Variants in SPTLC1 observed in about 807,000 individuals in gnomAD.
SPTLC1 encodes the protein serine palmitoyltransferase 1.
SPTLC1 carries 55 observed loss-of-function variants against 68.9 expected under a neutral mutation model. The ratio of observed to expected loss-of-function variants is 0.80; its 90% CI spans 0.64 to 1.00. SPTLC1 has a LOEUF of 1.00. SPTLC1 is among the 50% of genes least tolerant of loss of function. The pLI is 0.00. For missense variants in SPTLC1, 449 were observed against 573.1 expected (o/e 0.78, Z 2.21); for synonymous variants, 197 against 201.6 (o/e 0.98, Z 0.19).
Position 92,080,944 on chromosome 9 carries a change from C to T in SPTLC1, c.280G>A (p.Val94Met), listed in dbSNP as rs1258741778. 2.5e-6 allele frequency: 4 copies of T among 1,614,112 alleles called. No homozygotes were observed. In the South Asian group the frequency reaches 4.4e-5, roughly 18 times the overall value. Residue 94 changes from valine to methionine, a missense_variant, in exon 4 of 15, where the codon GTG (valine) becomes ATG (methionine). Physicochemically the swap from Val to Met is conservative, Grantham distance 21. This residue lies in a region of SPTLC1 where 391 missense variants were observed against 472.1 expected (regional missense o/e 0.83). Transcript: ENST00000262554. ...IVSGPPSHKT[V>M]VNGKECINFA... The stretch of plus-strand genomic sequence containing the variant: ...TTTATACATTCTTTTCCATTCACCA[C>T]AGTTTTGTGGCTTGGAGGGCTAGGG...
intron 6 of SPTLC1, among the ~76,000 whole-genome samples, chr9:92,067,003 A>T (rs938746650): frequency 1.3e-5 from 2 of 151,898 alleles, no homozygotes; most frequent in African/African-American, 4.8e-5. Context: ...ATTAAAAAAT[A>T]AAAATAAAAA....
At chr9:92,056,019 G>A (rs567020405) in intron 7 of SPTLC1, among the ~76,000 whole-genome samples, 63 of 152,312 alleles carry the variant, frequency 4.1e-4, no homozygotes, top group African/African-American at 1.4e-3. Context: ...TGGGAGAAGG[G>A]TACAGGGGGC....
chr9:92,050,438 G>A (rs966335291), intron 8 of SPTLC1: 4 of 284,224 alleles, frequency 1.4e-5, no homozygotes, highest in Non-Finnish European at 2.7e-5. Context: ...ATTTAGAGTC[G>A]CCCCCAAGTG....
intron 3 of SPTLC1, among the ~76,000 whole-genome samples, chr9:92,088,506 C>T (rs1432674454): frequency 1.3e-5 from 2 of 152,184 alleles, no homozygotes; most frequent in African/African-American, 4.8e-5. Context: ...TTCCTAAGTC[C>T]TCCCTGATTT....
chr9:92,039,772 T>C (rs1001962839), intron 12 of SPTLC1, among the ~76,000 whole-genome samples: 4 of 152,218 alleles, frequency 2.6e-5, no homozygotes, highest in Admixed American at 6.5e-5. Context: ...GTTACAATAA[T>C]GTGAATTCTG....
At chr9:92,088,933 G>A (rs548302478) in intron 3 of SPTLC1, among the ~76,000 whole-genome samples, 2 of 152,222 alleles carry the variant, frequency 1.3e-5, no homozygotes, top group East Asian at 1.9e-4. Context: ...CTCCACAATC[G>A]AGACCTGAGA....
At chr9:92,071,084 C>G (rs1208764421) in intron 5 of SPTLC1, among the ~76,000 whole-genome samples, 1 of 150,938 alleles carries the variant, frequency 6.6e-6, no homozygotes, top group Admixed American at 6.6e-5. Flanking sequence ...ACATACTGTC[C>G]TTAAAAAAAA....
At chr9:92,074,625 T>C (rs779878849) in intron 5 of SPTLC1, among the ~76,000 whole-genome samples, 10 of 152,036 alleles carry the variant, frequency 6.6e-5, no homozygotes, top group Non-Finnish European at 1.2e-4. Flanking sequence ...CAACAGACTT[T>C]AAGGGGCCTA....
intron 3 of SPTLC1, among the ~76,000 whole-genome samples, chr9:92,096,234 C>T (rs749103741): frequency 2.6e-5 from 4 of 152,084 alleles, no homozygotes; most frequent in African/African-American, 4.8e-5. Flanking sequence ...CTCAAATAAA[C>T]GAACAGGTCC....
At chr9:92,078,274 TCAA>T (rs1277948785) in intron 5 of SPTLC1, among the ~76,000 whole-genome samples, 3 of 152,138 alleles carry the variant, frequency 2.0e-5, no homozygotes, top group Admixed American at 6.5e-5. Flanking sequence ...CAGATTACAA[TCAA>T]CAACCCCATA....
intron 5 of SPTLC1, among the ~76,000 whole-genome samples, chr9:92,077,224 CT>C (rs992625805): frequency 6.6e-5 from 10 of 152,004 alleles, no homozygotes; most frequent in Non-Finnish European, 1.2e-4. Context: ...GGGTCCCAAC[CT>C]TATTTCAGAC....
intron 5 of SPTLC1, among the ~76,000 whole-genome samples, chr9:92,073,830 G>A (rs966145027): frequency 2.6e-5 from 4 of 152,116 alleles, no homozygotes; most frequent in Admixed American, 6.5e-5. Flanking sequence ...CAGCAGCACC[G>A]CCTACCTGCA....
intron 11 of SPTLC1, chr9:92,046,462 C>T (rs1222692244): frequency 5.1e-6 from 1 of 196,150 alleles, no homozygotes; most frequent in Non-Finnish European, 1.1e-5. Flanking sequence ...CAAGGAAAAT[C>T]CCAAAACTAA....
At chr9:92,096,129 C>T (rs973201597) in intron 3 of SPTLC1, among the ~76,000 whole-genome samples, 5 of 152,192 alleles carry the variant, frequency 3.3e-5, no homozygotes, top group Non-Finnish European at 7.3e-5. Flanking sequence ...TGGAAAGCAG[C>T]TTTTTACCTG....
At chr9:92,033,380 G>T (rs1162775915) in intron 14 of SPTLC1, among the ~76,000 whole-genome samples, 1 of 152,200 alleles carries the variant, frequency 6.6e-6, no homozygotes, top group African/African-American at 2.4e-5. Context: ...TAGCTTGAAA[G>T]GACAATGCTA....
Position 92,032,002 on chromosome 9 carries a change from A to G in SPTLC1, c.*463T>C, listed in dbSNP as rs1271124818. The G allele has an allele frequency of 5.7e-6, 2 of 349,492 alleles. No individual in the cohort carries two copies. Among genetic ancestry groups the G allele is most frequent in the African/African-American group, 4.2e-5 (2 of 47,742 alleles). The allele number at this position is 349,492 out of a possible 1,614,324, so 21.6% of individuals were successfully genotyped here. A position where few individuals can be genotyped will look rare whatever the true frequency, so the allele number is the denominator to read the frequency against. The stretch of plus-strand genomic sequence containing the variant: ...CGTGGTTTATTTAGATCTTCAATAT[A>G]AATTTGTACCACATATGTTGAAGTG... On this transcript the variant is annotated 3_prime_UTR_variant, in exon 15 of 15. Transcript: ENST00000262554.
chr9:92,058,724 A>C (rs1054334088), intron 7 of SPTLC1, among the ~76,000 whole-genome samples: 8 of 152,160 alleles, frequency 5.3e-5, no homozygotes, highest in African/African-American at 1.9e-4. Flanking sequence ...GTGGGGAGAA[A>C]GGGCTTCACT....
chr9:92,069,880 C>T (rs1038351733), intron 5 of SPTLC1, among the ~76,000 whole-genome samples: 2 of 152,178 alleles, frequency 1.3e-5, no homozygotes, highest in Non-Finnish European at 2.9e-5. Flanking sequence ...ATTATTTTTG[C>T]TAACCACAAA....
At chr9:92,040,661 GA>G (rs1833313430) in intron 12 of SPTLC1, among the ~76,000 whole-genome samples, 1 of 151,658 alleles carries the variant, frequency 6.6e-6, no homozygotes, top group Admixed American at 6.6e-5. Flanking sequence ...AGGAGGCTGA[GA>G]CAGGAAAATC....
Sources: allele counts gnomAD v4.1 joint callset (sites outside exome capture counted in the v4.1 genomes callset), GRCh38; gene constraint gnomAD v4.1.1; regional missense constraint gnomAD v4.1.1; transcripts MANE v1.5; gene names NCBI Gene and HGNC (gene_info 2026-07-23, HGNC 2026-07-21).